Variants in PDE7A observed in about 807,000 individuals in gnomAD.
PDE7A encodes the protein high affinity 3',5'-cyclic-AMP phosphodiesterase 7A.
A neutral mutation model predicts 64.3 loss-of-function variants in PDE7A; 39 were observed. The ratio of observed to expected loss-of-function variants is 0.61; its 90% CI spans 0.47 to 0.79. PDE7A has a LOEUF of 0.79. Among genes scored for constraint, PDE7A ranks in the 30% least tolerant of loss-of-function variants. PDE7A has a pLI of 0.00. For missense variants in PDE7A, 470 were observed against 582.8 expected, an observed-to-expected ratio of 0.81 and a Z score of 1.99; for synonymous variants, 203 against 206.8, an observed-to-expected ratio of 0.98 and a Z score of 0.16.
At chr8:65,817,213 G>A (rs772409043) in intron 1 of PDE7A, among the ~76,000 whole-genome samples, 2 of 152,050 alleles carry the variant, frequency 1.3e-5, no homozygotes, top group Non-Finnish European at 2.9e-5. Flanking sequence ...AAAGATAGTA[G>A]AGTGTTCCTA....
chr8:65,733,585 A>C (rs552282375), intron 7 of PDE7A, among the ~76,000 whole-genome samples: 10 of 152,080 alleles, frequency 6.6e-5, no homozygotes, highest in African/African-American at 1.9e-4. Context: ...ACGCCACTGC[A>C]CTCCAGCCTG....
At chr8:65,832,454 T>C (rs1328904066) in intron 1 of PDE7A, among the ~76,000 whole-genome samples, 2 of 152,196 alleles carry the variant, frequency 1.3e-5, no homozygotes, top group African/African-American at 4.8e-5. Flanking sequence ...TTATCAAAAA[T>C]ACTAATTTAA....
At chr8:65,789,007 G>C in intron 1 of PDE7A, 10 of 1,595,502 alleles carry the variant, frequency 6.3e-6, no homozygotes, top group Non-Finnish European at 8.6e-6. Flanking sequence ...AACTTCTTAG[G>C]AGTCTGATAA....
At position 65,814,550 on chromosome 8, in the gene PDE7A, G is replaced by GTA. The variant is rs1267421094; in HGVS notation, c.138+26819_138+26820dup. Among the ~76,000 whole-genome samples, 7 of 144,690 alleles carry GTA rather than the reference G, an allele frequency of 4.8e-5. No individual in the cohort carries two copies. The South Asian group carries it at 1.1e-3, about 23-fold the overall frequency. 94.9% of individuals were successfully genotyped at this position (144,690 alleles called of 152,430 possible). On this transcript the variant is annotated intron_variant, in intron 1 of 12. Transcript: ENST00000401827. ...AAAAAAAAAAAGGACTTTCATATGTGTATATATATAATACGTACACATATA... is the reference window on the plus strand; with the variant it reads ...AAAAAAAAAAAGGACTTTCATATGTGTATATATATATAATACGTACACATATA...
At position 65,839,091 on chromosome 8, in the gene PDE7A, ATTTATT is replaced by A. The variant is rs561881254; in HGVS notation, c.138+2274_138+2279del. On this transcript the variant is annotated intron_variant, in intron 1 of 12. Transcript: ENST00000401827. ...TTACCTATTCATTCATTCAACAAAT[ATTTATT>A]AAGTACCTACTATGAGCTGGGCTCC... 5.4e-4 allele frequency among the ~76,000 whole-genome samples: 83 copies of A among 152,354 alleles called. No homozygotes were observed. The Middle Eastern group carries it at 0.02, about 37-fold the overall frequency.
At chr8:65,827,389 G>A (rs1810704287) in intron 1 of PDE7A, among the ~76,000 whole-genome samples, 1 of 152,124 alleles carries the variant, frequency 6.6e-6, no homozygotes, top group Admixed American at 6.5e-5. Flanking sequence ...TAGATTTTAC[G>A]AACGTATTAG....
rs1043883956 is a variant in PDE7A, at chr8:65,717,156, A to G, written c.*2134T>C. On this transcript the variant is annotated 3_prime_UTR_variant, in exon 13 of 13. Coordinates refer to ENST00000401827, the MANE Select transcript of PDE7A (RefSeq NM_001242318.3). The stretch of plus-strand genomic sequence containing the variant: ...TCTAAATGTGGCTACTAGAAAACCG[A>G]AAATTATGTGGCTTGGATTCTGTTT... Among the ~76,000 whole-genome samples, 1 of 152,260 alleles carries G rather than the reference A, an allele frequency of 6.6e-6. No individual in the cohort carries two copies. Among genetic ancestry groups the G allele is most frequent in the Non-Finnish European group, 1.5e-5 (1 of 68,040 alleles).
chr8:65,796,870 T>C (rs936832561), intron 1 of PDE7A, among the ~76,000 whole-genome samples: 1 of 152,014 alleles, frequency 6.6e-6, no homozygotes, highest in Non-Finnish European at 1.5e-5. Context: ...ATAAGGCATA[T>C]AAATTAGAAA....
chr8:65,762,990 A>AATGT (rs1342459662), intron 3 of PDE7A, among the ~76,000 whole-genome samples: 12 of 123,768 alleles, frequency 9.7e-5, no homozygotes, highest in Non-Finnish European at 2.0e-4. Flanking sequence ...ATATAAAAAC[A>AATGT]ATGTGTGTGT....
chr8:65,747,128 C>T (rs1378130680), intron 4 of PDE7A, among the ~76,000 whole-genome samples: 1 of 152,082 alleles, frequency 6.6e-6, no homozygotes, highest in Non-Finnish European at 1.5e-5. Context: ...TCTCTCAATG[C>T]AAGAGACTAT....
At chr8:65,758,177 A>C (rs1335473327) in intron 3 of PDE7A, among the ~76,000 whole-genome samples, 2 of 152,280 alleles carry the variant, frequency 1.3e-5, no homozygotes, top group Non-Finnish European at 1.5e-5. Flanking sequence ...GAACTAGTGA[A>C]CCATTTTTAC....
intron 3 of PDE7A, among the ~76,000 whole-genome samples, chr8:65,755,881 C>A (rs1234216405): frequency 6.6e-6 from 1 of 152,186 alleles, no homozygotes; most frequent in Non-Finnish European, 1.5e-5. Flanking sequence ...CCCTAGCCTC[C>A]TGAGTAGCTA....
intron 3 of PDE7A, among the ~76,000 whole-genome samples, chr8:65,763,303 G>A (rs938230950): frequency 6.6e-6 from 1 of 152,074 alleles, no homozygotes; most frequent in Non-Finnish European, 1.5e-5. Flanking sequence ...GGTGGCTCAC[G>A]CCTGTTAATC....
At chr8:65,768,297 C>T (rs185677892) in intron 3 of PDE7A, among the ~76,000 whole-genome samples, 56 of 152,222 alleles carry the variant, frequency 3.7e-4, no homozygotes, top group Non-Finnish European at 6.3e-4. Context: ...TTTGGCTGTG[C>T]CCCCACCCAA....
rs534714637 is a variant in PDE7A, at chr8:65,779,631, T to C, written c.283+89A>G. 1.9e-5 allele frequency: 13 copies of C among 678,296 alleles called. No individual in the cohort carries two copies. The East Asian group carries it at 3.6e-4, about 19-fold the overall frequency. 42.0% of individuals were successfully genotyped at this position (678,296 alleles called of 1,614,324 possible). ...ATTCCAAACATAATAGAGTTTTTTT[T>C]CTGGTATTCTTTTTCCCTTGGAAAA... is the stretch of plus-strand genomic sequence containing the variant. On this transcript the variant is annotated intron_variant, in intron 3 of 12. Transcript: ENST00000401827.
intron 1 of PDE7A, among the ~76,000 whole-genome samples, chr8:65,786,525 C>T (rs569048856): frequency 6.6e-6 from 1 of 152,030 alleles, no homozygotes; most frequent in Non-Finnish European, 1.5e-5. Flanking sequence ...ATTTGACCTC[C>T]GTGTTAGAAT....
chr8:65,828,015 A>AT (rs1810721639), intron 1 of PDE7A, among the ~76,000 whole-genome samples: 1 of 152,152 alleles, frequency 6.6e-6, no homozygotes, highest in Non-Finnish European at 1.5e-5. Flanking sequence ...TAGATTATTA[A>AT]CTAACTAGAC....
At chr8:65,826,145 T>A (rs976775528) in intron 1 of PDE7A, among the ~76,000 whole-genome samples, 17 of 152,114 alleles carry the variant, frequency 1.1e-4, no homozygotes, top group African/African-American at 4.1e-4. Flanking sequence ...GCCAAGAGAT[T>A]GAAGAGGTAG....
chr8:65,719,362 C>T lies in PDE7A; in HGVS notation c.1377G>A (p.Ser459=), dbSNP rs142562007. 1.1e-4 allele frequency: 181 copies of T among 1,613,906 alleles called. No individual in the cohort carries two copies. Among genetic ancestry groups the T allele is most frequent in the Non-Finnish European group, 1.4e-4 (161 of 1,179,886 alleles). Residue 459 remains serine (S), a synonymous_variant, in exon 13 of 13, where the codon TCG becomes TCA. Transcript: ENST00000401827. ...ASWKGLQREQ[S]SSEDTDAAFE... ...ATGCAGCATCAGTGTCCTCACTGCTCGACTGTTCTCTCTGCAGTCCCTTCC... is the reference window on the plus strand; with the variant it reads ...ATGCAGCATCAGTGTCCTCACTGCTTGACTGTTCTCTCTGCAGTCCCTTCC...
Sources: allele counts gnomAD v4.1 joint callset (sites outside exome capture counted in the v4.1 genomes callset), GRCh38; gene constraint gnomAD v4.1.1; transcripts MANE v1.5; gene names NCBI Gene and HGNC (gene_info 2026-07-23, HGNC 2026-07-21).